Variants in ADAM12 observed in about 807,000 individuals in gnomAD.
ADAM12 encodes ADAM metallopeptidase domain 12.
ADAM12 carries 70 observed loss-of-function variants against 106.4 expected under a neutral mutation model. The ratio of observed to expected loss-of-function variants is 0.66; its 90% CI spans 0.54 to 0.80. ADAM12 has a LOEUF of 0.80. ADAM12 is among the 30% of genes least tolerant of loss of function. ADAM12 has a pLI of 0.00. For synonymous variants in ADAM12, 420 were observed against 433.5 expected (o/e 0.97, Z 0.39); for missense variants, 1,010 against 1,171.9 (o/e 0.86, Z 2.02).
intron 6 of ADAM12, among the ~76,000 whole-genome samples, chr10:126,115,859 A>C (rs929105043): frequency 2.6e-5 from 4 of 152,182 alleles, no homozygotes; most frequent in Non-Finnish European, 4.4e-5. Flanking sequence ...ATATAATTCC[A>C]ATTCACAAGG....
intron 3 of ADAM12, among the ~76,000 whole-genome samples, chr10:126,261,147 G>T (rs1184392128): frequency 1.3e-5 from 2 of 152,084 alleles, no homozygotes; most frequent in African/African-American, 2.4e-5. Flanking sequence ...TTATATTAGG[G>T]ACATGAGCAT....
At chr10:126,067,747 A>T (rs1954901660) in intron 12 of ADAM12, among the ~76,000 whole-genome samples, 3 of 152,242 alleles carry the variant, frequency 2.0e-5, no homozygotes, top group African/African-American at 7.2e-5. Context: ...TGAGTAATTT[A>T]TCAATGTTCT....
intron 3 of ADAM12, among the ~76,000 whole-genome samples, chr10:126,194,858 C>A (rs1957568306): frequency 6.6e-6 from 1 of 152,154 alleles, no homozygotes. Context: ...GGAACATCTT[C>A]AAAACTTTGT....
intron 5 of ADAM12, among the ~76,000 whole-genome samples, chr10:126,120,978 C>T (rs12764554): frequency 0.021 from 655 of 30,614 alleles, 1 homozygote; most frequent in African/African-American, 0.038. Context: ...ATTACATATG[C>T]AATATAGCAT....
chr10:126,234,559 G>T (rs564588012), intron 3 of ADAM12, among the ~76,000 whole-genome samples: 1 of 152,356 alleles, frequency 6.6e-6, no homozygotes, highest in African/African-American at 2.4e-5. Context: ...CCAGTAATGA[G>T]TTGGGTATGG....
intron 14 of ADAM12, among the ~76,000 whole-genome samples, chr10:126,052,746 G>A (rs551031398): frequency 8.5e-5 from 13 of 152,294 alleles, no homozygotes; most frequent in African/African-American, 3.1e-4. Flanking sequence ...AAGCAAAGGG[G>A]AAGCTTGATA....
At position 126,071,624 on chromosome 10, in the gene ADAM12, G is replaced by A. The variant is rs944329687; in HGVS notation, c.1176C>T (p.Cys392=). 48 of 1,613,960 alleles carry A rather than the reference G, an allele frequency of 3.0e-5. No homozygotes were observed. In the Middle Eastern group the frequency reaches 8.2e-4, roughly 28 times the overall value. Residue 392 remains cysteine, a synonymous_variant, in exon 12 of 23, where the codon TGC becomes TGT. Coordinates refer to ENST00000448723, the MANE Select transcript of ADAM12 (RefSeq NM_001288973.2). ...GGCTGGTCTCCAAGTCCTTCCTGCT[G>A]CAACTGCTGAACACCATGGGAAATG... is the stretch of plus-strand genomic sequence containing the variant. The part of the protein sequence containing the change: ...GYPFPMVFSS[C]SRKDLETSLE...
intron 3 of ADAM12, among the ~76,000 whole-genome samples, chr10:126,173,992 G>T: frequency 7.1e-6 from 1 of 140,576 alleles, no homozygotes; most frequent in South Asian, 2.3e-4. Context: ...CTTTTATCCA[G>T]ATTCATCTGT....
At chr10:126,028,813 CA>C (rs1953924515) in intron 21 of ADAM12, among the ~76,000 whole-genome samples, 1 of 151,570 alleles carries the variant, frequency 6.6e-6, no homozygotes, top group Non-Finnish European at 1.5e-5. Context: ...GTGTCTGCAG[CA>C]AAAGAAACAC....
intron 1 of ADAM12, 124 bp from the exon 2 acceptor site, chr10:126,330,633 G>T: frequency 1.3e-6 from 1 of 775,134 alleles, no homozygotes. Flanking sequence ...GGAAACACTA[G>T]AACCCATTAA....
At chr10:126,034,567 T>A (rs905118312) in intron 21 of ADAM12, among the ~76,000 whole-genome samples, 20 of 152,114 alleles carry the variant, frequency 1.3e-4, no homozygotes, top group African/African-American at 4.1e-4. Flanking sequence ...AATCCAAACA[T>A]ATCAACAATT....
chr10:126,236,526 G>C (rs186263915), intron 3 of ADAM12, among the ~76,000 whole-genome samples: 31 of 152,312 alleles, frequency 2.0e-4, no homozygotes, highest in Admixed American at 2.0e-3. Context: ...GGTGGATACT[G>C]CATGGGAGAG....
chr10:126,274,177 G>A (rs1450283622), intron 3 of ADAM12, among the ~76,000 whole-genome samples: 1 of 152,180 alleles, frequency 6.6e-6, no homozygotes, highest in Admixed American at 6.5e-5. Flanking sequence ...TGACCGTAAG[G>A]ATGTCATGGT....
intron 8 of ADAM12, among the ~76,000 whole-genome samples, chr10:126,104,466 G>A (rs202003243): frequency 5.5e-5 from 8 of 146,552 alleles, no homozygotes; most frequent in Admixed American, 1.4e-4. Context: ...AAAAAAAAAA[G>A]AAAGAAAGAA....
At chr10:126,250,742 A>G (rs1027457283) in intron 3 of ADAM12, among the ~76,000 whole-genome samples, 1 of 152,298 alleles carries the variant, frequency 6.6e-6, no homozygotes, top group South Asian at 2.1e-4. Flanking sequence ...ACCTTGCCCA[A>G]TTTCCTCCAG....
At chr10:126,027,455 T>C (rs1466193437) in intron 21 of ADAM12, among the ~76,000 whole-genome samples, 1 of 151,856 alleles carries the variant, frequency 6.6e-6, no homozygotes, top group Non-Finnish European at 1.5e-5. Flanking sequence ...TGAACATTGA[T>C]GCAAAAATCC....
At chr10:126,297,796 C>G (rs988381776) in intron 2 of ADAM12, among the ~76,000 whole-genome samples, 6 of 152,066 alleles carry the variant, frequency 3.9e-5, no homozygotes, top group African/African-American at 1.4e-4. Flanking sequence ...GAGAAGAAAA[C>G]AGAAGGTATG....
chr10:126,358,137 C>A (rs1414380143), intron 1 of ADAM12, among the ~76,000 whole-genome samples: 1 of 150,680 alleles, frequency 6.6e-6, no homozygotes, highest in Non-Finnish European at 1.5e-5. Context: ...CGAGATCGCG[C>A]CACTGCACTC....
intron 4 of ADAM12, among the ~76,000 whole-genome samples, chr10:126,154,976 G>A (rs543686958): frequency 6.6e-6 from 1 of 152,274 alleles, no homozygotes; most frequent in Non-Finnish European, 1.5e-5. Flanking sequence ...CATAGTCCTT[G>A]GAAGGTGGTT....
Sources: allele counts gnomAD v4.1 joint callset (sites outside exome capture counted in the v4.1 genomes callset), GRCh38; gene constraint gnomAD v4.1.1; transcripts MANE v1.5; gene names NCBI Gene and HGNC (gene_info 2026-07-23, HGNC 2026-07-21).